The following MAPK4 variants were observed in gnomAD, a reference collection of about 807,000 sequenced individuals.
MAPK4 encodes Erk3-related.
Under a neutral mutation model 47.7 loss-of-function variants are expected in MAPK4, and 22 were observed. That is an observed-to-expected ratio of 0.46 (90% CI 0.33 to 0.66). MAPK4 has a LOEUF of 0.66. Ranked by LOEUF, MAPK4 falls within the 30% of genes least tolerant of loss-of-function variation. The pLI, the probability that MAPK4 is intolerant of heterozygous loss-of-function variation, is 0.02. For synonymous variants in MAPK4, 390 were observed against 365.7 expected (o/e 1.07, Z -0.76); for missense variants, 736 against 831.7 (o/e 0.88, Z 1.42).
At chr18:50,671,652 G>A (rs934441575) in intron 2 of MAPK4, among the ~76,000 whole-genome samples, 1 of 15,348 alleles carries the variant, frequency 6.5e-5, no homozygotes, top group Admixed American at 1.2e-3. Context: ...AGAGCTTTGG[G>A]AGGCTTTGGG....
chr18:50,632,299 T>A lies in MAPK4; in HGVS notation c.-870-30790T>A, dbSNP rs150421331. 3.4e-3 allele frequency among the ~76,000 whole-genome samples: 514 copies of A among 152,332 alleles called. 8 individuals are homozygous for A. In the South Asian group the frequency reaches 0.041, roughly 12 times the overall value. ...TGTGGATTGCAGACTCTGTGTTTCT[T>A]CTCTTCAGTGAGGGGAGGCCAATTT... On this transcript the variant is annotated intron_variant, in intron 1 of 5. Transcript: ENST00000400384.
intron 1 of MAPK4, among the ~76,000 whole-genome samples, chr18:50,627,171 C>T (rs749841906): frequency 2.0e-5 from 3 of 151,840 alleles, no homozygotes; most frequent in African/African-American, 4.8e-5. Flanking sequence ...CTGGGAGAGG[C>T]GGACTTGGAC....
At chr18:50,648,787 T>C (rs919563235) in intron 1 of MAPK4, among the ~76,000 whole-genome samples, 4 of 152,174 alleles carry the variant, frequency 2.6e-5, no homozygotes, top group African/African-American at 9.6e-5. Flanking sequence ...CCTGCTTTAC[T>C]GTAGCCTCAC....
chr18:50,668,370 G>A (rs1199693848), intron 2 of MAPK4, among the ~76,000 whole-genome samples: 7 of 152,162 alleles, frequency 4.6e-5, no homozygotes, highest in South Asian at 4.1e-4. Flanking sequence ...CTCCTCTAGC[G>A]CAGGGCCTGA....
intron 2 of MAPK4, chr18:50,705,663 C>T (rs894800018): frequency 1.3e-5 from 2 of 152,102 alleles, no homozygotes; most frequent in Non-Finnish European, 2.9e-5. Context: ...CCACCCTCCT[C>T]GGGGGAAGAG....
At chr18:50,674,868 G>A (rs1908169850) in intron 2 of MAPK4, among the ~76,000 whole-genome samples, 1 of 152,114 alleles carries the variant, frequency 6.6e-6, no homozygotes, top group Non-Finnish European at 1.5e-5. Flanking sequence ...AATGCTAATT[G>A]GCTAATGAAC....
Position 50,624,031 on chromosome 18 carries a change from A to G in MAPK4, c.-870-39058A>G, listed in dbSNP as rs1360363756. Among the ~76,000 whole-genome samples, 3 of 152,208 alleles carry G rather than the reference A, an allele frequency of 2.0e-5. No homozygotes were observed. The East Asian group carries it at 5.8e-4, about 29-fold the overall frequency. ...TTTTCAGAGACACCTTCTGGCCAAA[A>G]TAATCTTTTCCCCTGACGTATGCAA... On this transcript the variant is annotated intron_variant, in intron 1 of 5. Coordinates refer to ENST00000400384, the MANE Select transcript of MAPK4 (RefSeq NM_002747.4).
chr18:50,721,936 A>AG lies in MAPK4; in HGVS notation c.694dup. The stretch of plus-strand genomic sequence containing the variant: ...CTTAACCATCTGGCATTGCCTCCCC[A>AG]GGGGCCCATGAGCTGGAGCAGATGC... On this transcript the variant is annotated splice_acceptor_variant, in intron 3 of 5. Transcript: ENST00000400384. LOFTEE classifies it high-confidence loss of function. 1 of 1,613,942 alleles carries AG rather than the reference A, an allele frequency of 6.2e-7. No individual in the cohort carries two copies.
intron 1 of MAPK4, among the ~76,000 whole-genome samples, chr18:50,605,959 G>A (rs1290768009): frequency 6.6e-6 from 1 of 151,914 alleles, no homozygotes; most frequent in Non-Finnish European, 1.5e-5. Flanking sequence ...ACTCTGGCTT[G>A]GTCCACATGC....
intron 1 of MAPK4, among the ~76,000 whole-genome samples, chr18:50,625,456 C>T (rs57362528): frequency 0.058 from 8,801 of 152,148 alleles, 658 homozygotes; most frequent in East Asian, 0.36. Context: ...CTCCAAAGAC[C>T]GCAGGAGTCA....
At chr18:50,620,096 T>G (rs1167047436) in intron 1 of MAPK4, among the ~76,000 whole-genome samples, 1 of 152,268 alleles carries the variant, frequency 6.6e-6, no homozygotes, top group Non-Finnish European at 1.5e-5. Flanking sequence ...GTCCCAAAGA[T>G]TATTTAGCTA....
intron 1 of MAPK4, among the ~76,000 whole-genome samples, chr18:50,598,694 G>C (rs2042507032): frequency 1.3e-5 from 2 of 152,244 alleles, no homozygotes; most frequent in Middle Eastern, 3.4e-3. Flanking sequence ...ACCGCTTTCT[G>C]TTCCAGGATT....
At chr18:50,707,133 G>A (rs932987128) in intron 2 of MAPK4, among the ~76,000 whole-genome samples, 2 of 152,190 alleles carry the variant, frequency 1.3e-5, no homozygotes, top group Non-Finnish European at 2.9e-5. Context: ...GACAAAGCCT[G>A]TATGATTCTG....
chr18:50,720,511 A>G (rs1195508883), intron 3 of MAPK4, among the ~76,000 whole-genome samples: 1 of 152,028 alleles, frequency 6.6e-6, no homozygotes, highest in Non-Finnish European at 1.5e-5. Flanking sequence ...TGCCTCCCAT[A>G]TGACACCATT....
At chr18:50,631,957 A>C (rs904351721) in intron 1 of MAPK4, among the ~76,000 whole-genome samples, 1 of 152,198 alleles carries the variant, frequency 6.6e-6, no homozygotes, top group South Asian at 2.1e-4. Context: ...TGTTTGTAAA[A>C]GCACAAAGTG....
intron 1 of MAPK4, among the ~76,000 whole-genome samples, chr18:50,563,213 C>T (rs749652537): frequency 3.3e-5 from 5 of 152,036 alleles, no homozygotes; most frequent in Admixed American, 6.5e-5. Context: ...AAAAACTATC[C>T]GGAATTTACA....
In MAPK4 at chr18:50,708,197, C is replaced by T. The variant is rs182822108; in HGVS notation, c.547-6882C>T. Among the ~76,000 whole-genome samples the T allele has an allele frequency of 7.0e-4, 107 of 152,280 alleles. 4 individuals carry two copies. Among genetic ancestry groups the T allele is most frequent in the Admixed American group, 6.3e-3 (96 of 15,298 alleles). ...ATTCCTTTTTAAAAAAGGTTTCTCA[C>T]GTGCCTCATATGTACATTGGCACAA... On this transcript the variant is annotated intron_variant, in intron 2 of 5. Transcript: ENST00000400384.
chr18:50,703,847 C>A (rs960148812), intron 2 of MAPK4, among the ~76,000 whole-genome samples: 2 of 152,204 alleles, frequency 1.3e-5, no homozygotes, highest in South Asian at 4.1e-4. Flanking sequence ...CTATTAACAT[C>A]TTTGGAATAT....
intron 1 of MAPK4, among the ~76,000 whole-genome samples, chr18:50,641,333 G>A (rs996596605): frequency 6.8e-6 from 1 of 146,942 alleles, no homozygotes; most frequent in Non-Finnish European, 1.5e-5. Context: ...CTGTAGGGAA[G>A]TTCATACAGG....
Sources: gnomAD v4.1 joint callset for allele counts (sites outside exome capture counted in the v4.1 genomes callset) on GRCh38, gnomAD v4.1.1 for gene constraint, MANE v1.5 for transcripts, NCBI Gene and HGNC (gene_info 2026-07-23, HGNC 2026-07-21) for gene names.